The following CCDC102B variants were observed in gnomAD, a reference collection of about 807,000 sequenced individuals.
The protein encoded by CCDC102B is coiled-coil domain containing 102B, also known as coiled-coil domain-containing protein 102B.
CCDC102B carries 75 observed loss-of-function variants against 57.4 expected under a neutral mutation model. That is an observed-to-expected ratio of 1.31 (90% CI 1.08 to 1.58). CCDC102B has a LOEUF of 1.58. Ranked by LOEUF, CCDC102B falls within the 40% of genes most tolerant of loss-of-function variation. The pLI is 0.00. For synonymous variants in CCDC102B, 206 were observed against 201.9 expected, an observed-to-expected ratio of 1.02 and a Z score of -0.17; for missense variants, 636 against 582.6, an observed-to-expected ratio of 1.09 and a Z score of -0.94.
intron 7 of CCDC102B, among the ~76,000 whole-genome samples, chr18:69,020,340 T>C (rs1423248221): frequency 6.6e-6 from 1 of 152,142 alleles, no homozygotes; most frequent in Non-Finnish European, 1.5e-5. Context: ...TCCATTGTCA[T>C]CTTCATTGAA....
chr18:69,022,364 T>TAC (rs386388071), intron 7 of CCDC102B, among the ~76,000 whole-genome samples: 1 of 150,926 alleles, frequency 6.6e-6, no homozygotes, highest in Non-Finnish European at 1.5e-5. Context: ...AATATATATA[T>TAC]ACACACACAC....
chr18:68,911,130 G>A (rs2040829383), intron 6 of CCDC102B, among the ~76,000 whole-genome samples: 1 of 152,158 alleles, frequency 6.6e-6, no homozygotes, highest in African/African-American at 2.4e-5. Context: ...AAAGACACAT[G>A]CATGCATCTG....
chr18:68,874,170 A>ATGTGTG (rs34176363), intron 4 of CCDC102B, among the ~76,000 whole-genome samples: 81 of 138,336 alleles, frequency 5.9e-4, no homozygotes, highest in African/African-American at 2.1e-3. Flanking sequence ...GTGTGTGTGT[A>ATGTGTG]TGTGTGTGTG....
intron 5 of CCDC102B, among the ~76,000 whole-genome samples, chr18:68,887,784 A>G (rs1323073484): frequency 6.6e-6 from 1 of 152,238 alleles, no homozygotes; most frequent in African/African-American, 2.4e-5. Context: ...ATCAAAATCA[A>G]TACATATTTA....
intron 1 of CCDC102B, among the ~76,000 whole-genome samples, chr18:68,823,945 G>A (rs1387786436): frequency 1.3e-5 from 2 of 151,698 alleles, no homozygotes; most frequent in African/African-American, 4.8e-5. Flanking sequence ...AAGCATTCTA[G>A]ATATCAGACC....
chr18:69,016,656 T>C (rs546964721), intron 7 of CCDC102B, among the ~76,000 whole-genome samples: 10 of 152,306 alleles, frequency 6.6e-5, no homozygotes, highest in African/African-American at 2.4e-4. Flanking sequence ...CCAGTTTTTA[T>C]ATTGTTTTGT....
chr18:68,919,052 G>A (rs1230480684), intron 6 of CCDC102B, among the ~76,000 whole-genome samples: 1 of 151,972 alleles, frequency 6.6e-6, no homozygotes, highest in East Asian at 1.9e-4. Context: ...GGCTTTTTCT[G>A]TATCTGTGTT....
rs538361896 is a variant in CCDC102B at position 68,900,289 on chromosome 18, TA to T, written c.1263+2863del. Reference sequence around the variant, plus strand: ...TTTAAGACCTAGATTTGTAAAAACATAAGTAAATCCAAGAGTATGCTTTGAG... The same window carrying T: ...TTTAAGACCTAGATTTGTAAAAACATAGTAAATCCAAGAGTATGCTTTGAG... On this transcript the variant is annotated intron_variant, in intron 6 of 7. Coordinates refer to ENST00000360242, the MANE Select transcript of CCDC102B (RefSeq NM_024781.3). The T allele has an allele frequency of 1.5e-3, 229 of 152,242 alleles. 1 individual carries two copies. Among genetic ancestry groups the T allele is most frequent in the African/African-American group, 5.2e-3 (218 of 41,556 alleles). The allele number at this position is 152,242 out of a possible 1,614,324, so 9.4% of individuals were successfully genotyped here.
intron 7 of CCDC102B, among the ~76,000 whole-genome samples, chr18:69,013,440 T>C (rs2051574947): frequency 6.6e-6 from 1 of 152,142 alleles, no homozygotes; most frequent in Admixed American, 6.6e-5. Context: ...ATTATTCTGG[T>C]GAAGGATATA....
Position 68,893,560 on chromosome 18 carries a change from C to T in CCDC102B, c.1054-3659C>T, listed in dbSNP as rs560115640. Among the ~76,000 whole-genome samples, 3 of 152,252 alleles carry T rather than the reference C, an allele frequency of 2.0e-5. No individual in the cohort carries two copies. The East Asian group carries it at 5.8e-4, about 29-fold the overall frequency. On this transcript the variant is annotated intron_variant, in intron 5 of 7. Transcript: ENST00000360242. Reference sequence around the variant, plus strand: ...GCTTTTTCCTGGAGACTGTCATTATCTGCTTTCTCTTTCACTTAACAGTTA... The same window carrying T: ...GCTTTTTCCTGGAGACTGTCATTATTTGCTTTCTCTTTCACTTAACAGTTA...
At position 68,803,893 on chromosome 18, in the gene CCDC102B, A is replaced by G. The variant is rs573453364; in HGVS notation, c.-16+5712A>G. Among the ~76,000 whole-genome samples, 8 of 152,278 alleles carry G rather than the reference A, an allele frequency of 5.3e-5. No individual in the cohort carries two copies. The South Asian group carries it at 1.7e-3, about 32-fold the overall frequency. ...GATCATGACAACATCATAAACTACAACCACTTTATTCTGAGTTTGATGGGA... is the reference window on the plus strand; with the variant it reads ...GATCATGACAACATCATAAACTACAGCCACTTTATTCTGAGTTTGATGGGA... On this transcript the variant is annotated intron_variant, in intron 1 of 7. Transcript: ENST00000360242.
At chr18:68,738,282 T>C (rs1342852700) in intron 2 of CCDC102B, among the ~76,000 whole-genome samples, 1 of 152,176 alleles carries the variant, frequency 6.6e-6, no homozygotes, top group East Asian at 1.9e-4. Flanking sequence ...AGACATTCTT[T>C]GCTACAGAAA....
At chr18:69,025,266 G>C (rs899955833) in intron 7 of CCDC102B, among the ~76,000 whole-genome samples, 2 of 152,118 alleles carry the variant, frequency 1.3e-5, no homozygotes. Flanking sequence ...AGACAAGATC[G>C]TTGGCAGAAA....
intron 7 of CCDC102B, among the ~76,000 whole-genome samples, chr18:69,022,899 T>A (rs2051884785): frequency 6.6e-6 from 1 of 151,918 alleles, no homozygotes; most frequent in Non-Finnish European, 1.5e-5. Flanking sequence ...ACTGTTGTCT[T>A]TGAGGGTGAG....
chr18:69,008,394 G>A (rs1029116567), intron 6 of CCDC102B, among the ~76,000 whole-genome samples: 10 of 152,172 alleles, frequency 6.6e-5, no homozygotes, highest in Non-Finnish European at 1.5e-5. Context: ...CCCAGAAAAC[G>A]AGTTCGAGTG....
rs1440998114 is a variant in CCDC102B, at chr18:68,956,570, TTTTATATATATAA to T, written c.1264-54363_1264-54351del. Among the ~76,000 whole-genome samples the T allele has an allele frequency of 1.1e-3, 6 of 5,318 alleles. No individual in the cohort carries two copies. The East Asian group carries it at 0.033, about 30-fold the overall frequency. The allele number at this position is 5,318 out of a possible 152,430, so 3.5% of individuals were successfully genotyped here. Reference sequence around the variant, plus strand: ...ATATAAATATTATATATATTATATATTTTATATATATAAATATTATATATATATTATATATATA... The same window carrying T: ...ATATAAATATTATATATATTATATATATATTATATATATATTATATATATA... On this transcript the variant is annotated intron_variant, in intron 6 of 7. Coordinates refer to ENST00000360242, the MANE Select transcript of CCDC102B (RefSeq NM_024781.3).
chr18:69,048,228 T>C (rs2052615207), intron 7 of CCDC102B, among the ~76,000 whole-genome samples: 1 of 151,694 alleles, frequency 6.6e-6, no homozygotes, highest in Admixed American at 6.6e-5. Context: ...GTGTGTTTTT[T>C]TTTTCCCAAG....
chr18:69,052,615 G>A (rs967613524), intron 7 of CCDC102B, among the ~76,000 whole-genome samples: 20 of 151,718 alleles, frequency 1.3e-4, no homozygotes, highest in African/African-American at 4.6e-4. Context: ...GATTTAGATG[G>A]TATAGCCTAC....
At chr18:68,760,644 A>G (rs944900252) in intron 2 of CCDC102B, among the ~76,000 whole-genome samples, 1 of 152,098 alleles carries the variant, frequency 6.6e-6, no homozygotes, top group Non-Finnish European at 1.5e-5. Context: ...CATTGTCACT[A>G]TAAAAGCAAA....
Sources: gnomAD v4.1 joint callset for allele counts (sites outside exome capture counted in the v4.1 genomes callset) on GRCh38, gnomAD v4.1.1 for gene constraint, MANE v1.5 for transcripts, NCBI Gene and HGNC (gene_info 2026-07-23, HGNC 2026-07-21) for gene names.